Variants in TMEM38A observed in about 807,000 individuals in gnomAD.
TMEM38A encodes the protein transmembrane protein 38A.
In TMEM38A, 17 loss-of-function variants were observed where a neutral mutation model predicts 28.6. That is an observed-to-expected ratio of 0.60 (90% CI 0.41 to 0.89). The LOEUF (loss-of-function observed/expected upper bound fraction) is 0.89. Ranked by LOEUF, TMEM38A falls within the 40% of genes least tolerant of loss-of-function variation. TMEM38A has a pLI of 0.00. For synonymous variants in TMEM38A, 169 were observed against 166.1 expected, an observed-to-expected ratio of 1.02 and a Z score of -0.14; for missense variants, 328 against 393.1, an observed-to-expected ratio of 0.83 and a Z score of 1.40.
intron 3 of TMEM38A, chr19:16,680,859 A>T: frequency 2.3e-6 from 1 of 431,520 alleles, no homozygotes; most frequent in Non-Finnish European, 4.3e-6. Context: ...CACTACTGAC[A>T]TGTGGGGCTG....
At chr19:16,668,090 T>C (rs2086711114) in intron 1 of TMEM38A, among the ~76,000 whole-genome samples, 1 of 151,836 alleles carries the variant, frequency 6.6e-6, no homozygotes, top group South Asian at 2.1e-4. Flanking sequence ...GCGCCTGTAG[T>C]CCTGGCTACT....
chr19:16,669,561 C>T (rs1208972576), intron 1 of TMEM38A, among the ~76,000 whole-genome samples: 1 of 151,992 alleles, frequency 6.6e-6, no homozygotes, highest in African/African-American at 2.4e-5. Context: ...TTCTTTGATC[C>T]CTGATTTGAG....
chr19:16,679,324 G>A (rs2086769279), intron 1 of TMEM38A, among the ~76,000 whole-genome samples: 1 of 143,780 alleles, frequency 7.0e-6, no homozygotes, highest in Non-Finnish European at 1.5e-5. Flanking sequence ...ATGGAGTCTT[G>A]CTCTGTTGCC....
intron 1 of TMEM38A, among the ~76,000 whole-genome samples, chr19:16,665,235 G>A (rs891008966): frequency 6.7e-6 from 1 of 148,814 alleles, no homozygotes; most frequent in Non-Finnish European, 1.5e-5. Flanking sequence ...CAGAGGTTGC[G>A]GTGAGCCAAG....
At chr19:16,680,777 G>C (rs2086778717) in intron 3 of TMEM38A, 196 bp downstream of exon 3, 1 of 589,654 alleles carries the variant, frequency 1.7e-6, no homozygotes, top group Non-Finnish European at 3.0e-6. Context: ...AAATGTTACT[G>C]TCAGGGGTAC....
intron 1 of TMEM38A, among the ~76,000 whole-genome samples, chr19:16,668,882 G>A (rs2086714876): frequency 6.8e-6 from 1 of 147,586 alleles, no homozygotes; most frequent in Non-Finnish European, 1.5e-5. Flanking sequence ...AGGCTGGAGT[G>A]CAATGGTTTG....
chr19:16,686,452 C>A, intron 5 of TMEM38A, 47 bp downstream of exon 5: 1 of 1,483,084 alleles, frequency 6.7e-7, no homozygotes, highest in South Asian at 1.1e-5. Flanking sequence ...CCAATGCCAC[C>A]CTGCCACCTC....
intron 1 of TMEM38A, among the ~76,000 whole-genome samples, chr19:16,676,541 A>G (rs2086752300): frequency 1.3e-5 from 2 of 152,138 alleles, no homozygotes; most frequent in African/African-American, 2.4e-5. Flanking sequence ...AAACGAAACT[A>G]GTTGGGAAAG....
chr19:16,681,477 C>T (rs2084575246), intron 3 of TMEM38A, among the ~76,000 whole-genome samples: 1 of 151,996 alleles, frequency 6.6e-6, no homozygotes, highest in African/African-American at 2.4e-5. Flanking sequence ...GATAATTCAA[C>T]ATTAAAAGTT....
At chr19:16,668,521 A>G (rs925859003) in intron 1 of TMEM38A, among the ~76,000 whole-genome samples, 4 of 150,530 alleles carry the variant, frequency 2.7e-5, no homozygotes, top group African/African-American at 7.3e-5. Context: ...AAAAAAAAAA[A>G]AGAGATGGGG....
intron 1 of TMEM38A, among the ~76,000 whole-genome samples, chr19:16,665,259 A>G (rs1018315775): frequency 6.7e-6 from 1 of 149,458 alleles, no homozygotes; most frequent in Non-Finnish European, 1.5e-5. Context: ...GTGCCATTCC[A>G]CTCCAGCCTG....
chr19:16,685,287 G>A (rs2086797409), intron 4 of TMEM38A, among the ~76,000 whole-genome samples: 1 of 152,044 alleles, frequency 6.6e-6, no homozygotes, highest in South Asian at 2.1e-4. Flanking sequence ...TCGGGAGGCT[G>A]AGGCAGGAAA....
intron 1 of TMEM38A, among the ~76,000 whole-genome samples, chr19:16,671,892 C>T (rs369157020): frequency 3.9e-5 from 6 of 152,306 alleles, no homozygotes; most frequent in East Asian, 1.9e-4. Flanking sequence ...GAATTCAGTC[C>T]CTGGGAGTTA....
chr19:16,674,760 T>C (rs897671843), intron 1 of TMEM38A, among the ~76,000 whole-genome samples: 1 of 151,856 alleles, frequency 6.6e-6, no homozygotes, highest in African/African-American at 2.4e-5. Context: ...GATCGCGCCA[T>C]TGAACTCCAG....
intron 1 of TMEM38A, among the ~76,000 whole-genome samples, chr19:16,667,331 C>T (rs1456197671): frequency 6.6e-6 from 1 of 151,944 alleles, no homozygotes; most frequent in Non-Finnish European, 1.5e-5. Context: ...CAGCTCTGCC[C>T]AATGAGAGTC....
At chr19:16,671,342 A>AT (rs2086726821) in intron 1 of TMEM38A, among the ~76,000 whole-genome samples, 1 of 151,236 alleles carries the variant, frequency 6.6e-6, no homozygotes, top group Non-Finnish European at 1.5e-5. Flanking sequence ...AGCTGGGATT[A>AT]TAGCCATCCG....
chr19:16,671,200 G>GTTTTTTTTT (rs1568313636), intron 1 of TMEM38A, among the ~76,000 whole-genome samples: 4 of 112,902 alleles, frequency 3.5e-5, no homozygotes, highest in African/African-American at 2.1e-4. Flanking sequence ...AAGGACCTGG[G>GTTTTTTTTT]CTTTTTTTTT....
At position 16,661,274 on chromosome 19, in the gene TMEM38A, G is replaced by A; in HGVS notation, c.57G>A (p.Val19=). The A allele has an allele frequency of 6.3e-7, 1 of 1,598,748 alleles. No individual in the cohort carries two copies. ...LGELALSFSR[V]PLFPVFDLSY... The stretch of plus-strand genomic sequence containing the variant: ...AACTGGCGCTCAGCTTCTCGCGGGT[G>A]CCGCTCTTCCCCGTCTTCGACCTCA... Residue 19 remains valine, a synonymous_variant, in exon 1 of 6, where the codon GTG becomes GTA. Coordinates refer to ENST00000187762, the MANE Select transcript of TMEM38A (RefSeq NM_024074.4). This position sits in a 1 kb window ranked among gnomAD's most constrained non-coding sequence, Gnocchi z 6.5.
chr19:16,680,313 G>A, intron 2 of TMEM38A, 84 bp from the exon 3 acceptor site: 1 of 1,531,790 alleles, frequency 6.5e-7, no homozygotes, highest in South Asian at 1.2e-5. Context: ...CGTTGGGGAG[G>A]GTGGTCTGAT....
Sources: gnomAD v4.1 joint callset for allele counts (sites outside exome capture counted in the v4.1 genomes callset) on GRCh38, gnomAD v4.1.1 for gene constraint, Gnocchi (gnomAD v3.1) non-coding constraint, MANE v1.5 for transcripts, NCBI Gene and HGNC (gene_info 2026-07-23, HGNC 2026-07-21) for gene names.